The following CTNND2 variants were observed in gnomAD, a reference collection of about 807,000 sequenced individuals.
The protein encoded by CTNND2 is catenin delta 2.
In CTNND2, 22 loss-of-function variants were observed where a neutral mutation model predicts 144.4. The observed-to-expected ratio is 0.15, with a 90% confidence interval of 0.11 to 0.22. The LOEUF is 0.22. CTNND2 is among the 10% of genes least tolerant of loss of function. The probability of loss-of-function intolerance (pLI) is 1.00; values close to 1 mark genes in which losing one functional copy is unlikely to be tolerated. For synonymous variants in CTNND2, 751 were observed against 695.6 expected (o/e 1.08, Z -1.25); for missense variants, 1,353 against 1,618.8 (o/e 0.84, Z 2.82).
intron 16 of CTNND2, among the ~76,000 whole-genome samples, chr5:11,074,686 T>A (rs1748726727): frequency 6.6e-6 from 1 of 152,118 alleles, no homozygotes; most frequent in Non-Finnish European, 1.5e-5. Context: ...TCACTCCAGT[T>A]CTCCAAAGGA....
chr5:11,773,810 C>CAAA, intron 1 of CTNND2, among the ~76,000 whole-genome samples: 1 of 92,338 alleles, frequency 1.1e-5, no homozygotes, highest in Admixed American at 1.1e-4. Flanking sequence ...GACTCCATCT[C>CAAA]AAAAAAAAAA....
intron 6 of CTNND2, among the ~76,000 whole-genome samples, chr5:11,386,409 T>C (rs1260067266): frequency 1.3e-5 from 2 of 152,216 alleles, no homozygotes; most frequent in Non-Finnish European, 2.9e-5. Context: ...TATGCCTCTC[T>C]ACCCGTTCTG....
At chr5:11,495,695 C>CTTCT (rs1206921012) in intron 3 of CTNND2, among the ~76,000 whole-genome samples, 1 of 152,196 alleles carries the variant, frequency 6.6e-6, no homozygotes, top group African/African-American at 2.4e-5. Context: ...TTCTCTTGAA[C>CTTCT]TTCTGCATTC....
intron 3 of CTNND2, among the ~76,000 whole-genome samples, chr5:11,540,373 A>G (rs1774612969): frequency 6.6e-6 from 1 of 152,138 alleles, no homozygotes; most frequent in South Asian, 2.1e-4. Context: ...TCACCTTTGT[A>G]TCTTGCAGAC....
At chr5:11,162,171 A>G (rs1271722773) in intron 11 of CTNND2, among the ~76,000 whole-genome samples, 1 of 152,046 alleles carries the variant, frequency 6.6e-6, no homozygotes, top group Admixed American at 6.5e-5. Flanking sequence ...AAGCAAGCAA[A>G]CAAACAAACA....
chr5:11,009,222 A>C (rs1048219953), intron 18 of CTNND2, among the ~76,000 whole-genome samples: 3 of 152,198 alleles, frequency 2.0e-5, no homozygotes, highest in African/African-American at 7.2e-5. Flanking sequence ...AACCCACCCC[A>C]CTGCCCTCAT....
chr5:11,865,076 G>T (rs1795694164), intron 1 of CTNND2, among the ~76,000 whole-genome samples: 1 of 151,862 alleles, frequency 6.6e-6, no homozygotes, highest in African/African-American at 2.4e-5. Flanking sequence ...TGTATTTTTA[G>T]TAGAGACAAG....
rs1387007084 is a variant in CTNND2, at chr5:11,836,306, A to C, written c.37+67511T>G. ...CATGATTTCCCTAGATTCTAAGAGA[A>C]AACTATAGAAATGTGGAGAATATGC... On this transcript the variant is annotated intron_variant, in intron 1 of 21. Coordinates refer to ENST00000304623, the MANE Select transcript of CTNND2 (RefSeq NM_001332.4). 2.0e-5 allele frequency among the ~76,000 whole-genome samples: 3 copies of C among 152,324 alleles called. No individual in the cohort carries two copies. In the East Asian group the frequency reaches 5.8e-4, roughly 29 times the overall value.
intron 9 of CTNND2, among the ~76,000 whole-genome samples, chr5:11,252,710 C>A (rs189832966): frequency 6.6e-6 from 1 of 152,210 alleles, no homozygotes; most frequent in African/African-American, 2.4e-5. Context: ...GAATTAACCA[C>A]AGGCTCTCTT....
chr5:11,204,971 G>T (rs1580581872), intron 10 of CTNND2, among the ~76,000 whole-genome samples: 1 of 152,114 alleles, frequency 6.6e-6, no homozygotes, highest in South Asian at 2.1e-4. Context: ...GAAAAGGTTG[G>T]AGTAGCTTTT....
chr5:11,397,626 G>A (rs76949796), intron 5 of CTNND2, among the ~76,000 whole-genome samples: 1,953 of 152,148 alleles, frequency 0.013, 16 homozygotes, highest in Non-Finnish European at 0.018. Context: ...TAAAACACTC[G>A]AAACCTTCCA....
chr5:11,029,296 TA>T (rs927064555), intron 16 of CTNND2, among the ~76,000 whole-genome samples: 2 of 152,218 alleles, frequency 1.3e-5, no homozygotes, highest in Non-Finnish European at 2.9e-5. Context: ...TAATTACTCA[TA>T]AAAAGGGTCT....
intron 2 of CTNND2, among the ~76,000 whole-genome samples, chr5:11,576,710 A>T (rs1778000387): frequency 6.6e-6 from 1 of 152,154 alleles, no homozygotes; most frequent in African/African-American, 2.4e-5. Context: ...TGGCAGAATA[A>T]TCCATTTTCT....
chr5:11,279,422 C>A (rs1229680833), intron 9 of CTNND2, among the ~76,000 whole-genome samples: 3 of 152,156 alleles, frequency 2.0e-5, no homozygotes, highest in African/African-American at 7.2e-5. Flanking sequence ...TCATTCTCAT[C>A]CCTGCACCCC....
intron 7 of CTNND2, among the ~76,000 whole-genome samples, chr5:11,381,493 A>G (rs1401216092): frequency 6.6e-6 from 1 of 152,184 alleles, no homozygotes; most frequent in Non-Finnish European, 1.5e-5. Context: ...CTTGCTACTC[A>G]GCAAACATAT....
intron 9 of CTNND2, among the ~76,000 whole-genome samples, chr5:11,338,924 A>ATT (rs1466619863): frequency 0.014 from 56 of 4,098 alleles, 22 homozygotes; most frequent in African/African-American, 0.017. Flanking sequence ...CAGTTCCTTC[A>ATT]TTTTTTTTTT....
chr5:11,721,562 C>G (rs994903401), intron 2 of CTNND2, among the ~76,000 whole-genome samples: 1 of 152,226 alleles, frequency 6.6e-6, no homozygotes, highest in African/African-American at 2.4e-5. Context: ...GGTCCTCTAT[C>G]TCCAAATATC....
chr5:11,364,931 C>G (rs1236907042), intron 7 of CTNND2, 41 bp from the exon 8 acceptor site: 1 of 1,535,814 alleles, frequency 6.5e-7, no homozygotes, highest in Non-Finnish European at 8.9e-7. Context: ...CTCAGGCGAC[C>G]TCCAAACAGA....
chr5:11,118,460 G>A (rs973847178), intron 12 of CTNND2, among the ~76,000 whole-genome samples: 2 of 152,226 alleles, frequency 1.3e-5, no homozygotes, highest in African/African-American at 4.8e-5. Flanking sequence ...AAAGAAGGAC[G>A]ATTCTCAAAC....
Sources: allele counts gnomAD v4.1 joint callset (sites outside exome capture counted in the v4.1 genomes callset), GRCh38; gene constraint gnomAD v4.1.1; transcripts MANE v1.5; gene names NCBI Gene and HGNC (gene_info 2026-07-23, HGNC 2026-07-21).